CD47: variants seen among roughly 807,000 people sequenced by gnomAD.
The protein encoded by CD47 is CD47 molecule, also known as leukocyte surface antigen CD47.
Under a neutral mutation model 44.6 loss-of-function variants are expected in CD47, and 11 were observed. That is an observed-to-expected ratio of 0.25 (90% CI 0.16 to 0.41). CD47 has a LOEUF of 0.41. Ranked by LOEUF, CD47 falls within the 10% of genes least tolerant of loss-of-function variation. The pLI is 1.00. For missense variants in CD47, 306 were observed against 386.7 expected, an observed-to-expected ratio of 0.79 and a Z score of 1.75; for synonymous variants, 140 against 136.3, an observed-to-expected ratio of 1.03 and a Z score of -0.19.
chr3:108,065,811 C>CAAAAAAAAAAA (rs58021560), intron 3 of CD47, among the ~76,000 whole-genome samples: 2 of 61,166 alleles, frequency 3.3e-5, no homozygotes, highest in Non-Finnish European at 5.9e-5. Context: ...GACTCCGTCT[C>CAAAAAAAAAAA]AAAAAAAAAA....
chr3:108,067,337 C>T (rs187833978), intron 3 of CD47, among the ~76,000 whole-genome samples: 39 of 152,282 alleles, frequency 2.6e-4, no homozygotes, highest in Middle Eastern at 3.4e-3. Context: ...TATGGTCTTG[C>T]GGTTTTGTGC....
chr3:108,045,000 G>C lies in CD47; in HGVS notation c.*2288C>G, dbSNP rs1443893518. 1 of 152,620 alleles carries C rather than the reference G, an allele frequency of 6.6e-6. No homozygotes were observed. Among genetic ancestry groups the C allele is most frequent in the Non-Finnish European group, 1.5e-5 (1 of 68,034 alleles). 9.5% of individuals were successfully genotyped at this position (152,620 alleles called of 1,614,324 possible). A position where few individuals can be genotyped will look rare whatever the true frequency, so the allele number is the denominator to read the frequency against. ...GGAGCCATTACAAATCTGATTTAAA[G>C]AGAAGGAACTGGCCCAATGATGCCC... On this transcript the variant is annotated 3_prime_UTR_variant, in exon 11 of 11. Coordinates refer to ENST00000361309, the MANE Select transcript of CD47 (RefSeq NM_001777.4).
chr3:108,089,448 C>T (rs957136536), intron 1 of CD47, among the ~76,000 whole-genome samples: 19 of 152,102 alleles, frequency 1.2e-4, no homozygotes, highest in Non-Finnish European at 2.8e-4. Context: ...ATGGTTTATA[C>T]TTTTTACTTT....
chr3:108,078,636 T>A (rs966166308), intron 2 of CD47, among the ~76,000 whole-genome samples: 1 of 152,040 alleles, frequency 6.6e-6, no homozygotes, highest in African/African-American at 2.4e-5. Flanking sequence ...AAAAAGCTCC[T>A]TTGCCCAAAT....
intron 1 of CD47, among the ~76,000 whole-genome samples, chr3:108,087,744 T>C (rs1560043823): frequency 6.6e-6 from 1 of 152,212 alleles, no homozygotes; most frequent in Non-Finnish European, 1.5e-5. Flanking sequence ...AACCATGAGA[T>C]TGACCAGATT....
rs1221953450 is a variant in CD47, at chr3:108,045,300, T to C, written c.*1988A>G. 5 of 152,690 alleles carry C rather than the reference T, an allele frequency of 3.3e-5. No individual in the cohort carries two copies. Among genetic ancestry groups the C allele is most frequent in the Admixed American group, 6.5e-5 (1 of 15,286 alleles). 9.5% of individuals were successfully genotyped at this position (152,690 alleles called of 1,614,324 possible). On this transcript the variant is annotated 3_prime_UTR_variant, in exon 11 of 11. Coordinates refer to ENST00000361309, the MANE Select transcript of CD47 (RefSeq NM_001777.4). ...ATAAAGATTTTCATACCTTTTCTAA[T>C]AGGAGCTTGGATCTTTTTCAAGTCC... is the stretch of plus-strand genomic sequence containing the variant.
rs532295895 is a variant in CD47 at position 108,051,875 on chromosome 3, C to T, written c.909+64G>A. 3.3e-5 allele frequency: 40 copies of T among 1,226,832 alleles called. No individual in the cohort carries two copies. In the African/African-American group the frequency reaches 4.3e-4, roughly 13 times the overall value. 76.0% of individuals were successfully genotyped at this position (1,226,832 alleles called of 1,614,324 possible). ...AACAGATAGCAAAATATCTCAATTA[C>T]CAAGTTCCTCAGTCTAATCCCTCAA... On this transcript the variant is annotated intron_variant, in intron 8 of 10. Transcript: ENST00000361309.
Position 108,059,446 on chromosome 3 carries a change from A to G in CD47, c.691+6T>C. The G allele has an allele frequency of 7.5e-7, 1 of 1,336,812 alleles. No homozygotes were observed. The highest frequency in any genetic ancestry group is 2.7e-5 in the Admixed American group (1 of 36,996). The allele number at this position is 1,336,812 out of a possible 1,614,324, so 82.8% of individuals were successfully genotyped here. A position where few individuals can be genotyped will look rare whatever the true frequency, so the allele number is the denominator to read the frequency against. On this transcript the variant is annotated splice_donor_region_variant and intron_variant, in intron 5 of 10. Transcript: ENST00000361309. ...ACAAAATCATACTGTAACAATGAAA[A>G]CTCACCTGTACTAAACACATAGTAG...
At chr3:108,052,811 T>C (rs2078850907) in intron 7 of CD47, 1 of 152,024 alleles carries the variant, frequency 6.6e-6, no homozygotes, top group Non-Finnish European at 1.5e-5. Context: ...AAAAATTAGC[T>C]GGCGTGGTGG....
At chr3:108,085,678 C>T (rs2079506575) in intron 1 of CD47, among the ~76,000 whole-genome samples, 1 of 152,112 alleles carries the variant, frequency 6.6e-6, no homozygotes, top group African/African-American at 2.4e-5. Context: ...CTGATCTCTC[C>T]AGGCTCAGAA....
rs933598376 is a variant in CD47, at chr3:108,047,005, T to C, written c.*283A>G. 1.1e-5 allele frequency: 4 copies of C among 352,702 alleles called. No individual in the cohort carries two copies. Among genetic ancestry groups the C allele is most frequent in the East Asian group, 9.0e-5 (2 of 22,114 alleles). The allele number at this position is 352,702 out of a possible 1,614,324, so 21.8% of individuals were successfully genotyped here. ...ACCTGAAAGGCATCATTCTTGGAAATTGTCCATTCTACTATTGCCCCTAAT... is the reference window on the plus strand; with the variant it reads ...ACCTGAAAGGCATCATTCTTGGAAACTGTCCATTCTACTATTGCCCCTAAT... On this transcript the variant is annotated 3_prime_UTR_variant, in exon 11 of 11. Coordinates refer to ENST00000361309, the MANE Select transcript of CD47 (RefSeq NM_001777.4).
chr3:108,045,523 G>T lies in CD47; in HGVS notation c.*1765C>A, dbSNP rs978450986. 2 of 151,976 alleles carry T rather than the reference G, an allele frequency of 1.3e-5. No individual in the cohort carries two copies. Among genetic ancestry groups the T allele is most frequent in the African/African-American group, 2.4e-5 (1 of 41,220 alleles). 9.4% of individuals were successfully genotyped at this position (151,976 alleles called of 1,614,324 possible). On this transcript the variant is annotated 3_prime_UTR_variant, in exon 11 of 11. Transcript: ENST00000361309. ...AATATACATGTGTGTATATACATAC[G>T]TATATATAGATATACGTATATATTT...
intron 8 of CD47, among the ~76,000 whole-genome samples, chr3:108,051,230 G>A (rs965761701): frequency 1.1e-4 from 16 of 152,044 alleles, no homozygotes; most frequent in Admixed American, 5.9e-4. Context: ...TCATCACTCC[G>A]TTATAGGAAG....
At chr3:108,048,533 C>T (rs917672758) in intron 10 of CD47, among the ~76,000 whole-genome samples, 1 of 151,870 alleles carries the variant, frequency 6.6e-6, no homozygotes, top group Non-Finnish European at 1.5e-5. Flanking sequence ...CACAGGTGCC[C>T]GCCACCATGC....
intron 2 of CD47, among the ~76,000 whole-genome samples, chr3:108,077,698 G>A (rs1458136840): frequency 6.6e-6 from 1 of 151,732 alleles, no homozygotes; most frequent in Non-Finnish European, 1.5e-5. Flanking sequence ...TCATACTATG[G>A]ACTACTACTC....
chr3:108,048,083 A>G (rs1222222263), intron 10 of CD47, among the ~76,000 whole-genome samples: 1 of 152,184 alleles, frequency 6.6e-6, no homozygotes, highest in Non-Finnish European at 1.5e-5. Context: ...ATAGGACATC[A>G]GAATGTAAAC....
intron 2 of CD47, 132 bp downstream of exon 2, chr3:108,079,859 T>C: frequency 1.7e-6 from 1 of 603,208 alleles, no homozygotes; most frequent in Non-Finnish European, 3.0e-6. Flanking sequence ...TTGCTAAACA[T>C]TACATCAACA....
intron 10 of CD47, 35 bp downstream of exon 10, chr3:108,049,584 C>T: frequency 1.5e-6 from 2 of 1,338,304 alleles, no homozygotes; most frequent in South Asian, 2.4e-5. Context: ...CATGTTTTAA[C>T]TGATCTATAA....
chr3:108,080,017 G>A lies in CD47; in HGVS notation c.374C>T (p.Thr125Met), dbSNP rs769647911. 3.1e-6 allele frequency: 5 copies of A among 1,609,064 alleles called. No individual in the cohort carries two copies. The highest frequency in any genetic ancestry group is 2.5e-6 in the Non-Finnish European group (3 of 1,176,934). Residue 125 changes from threonine (T) to methionine (M), a missense_variant, in exon 2 of 11, where the codon ACG becomes ATG. Around this residue, in one of 5 missense-constraint regions of CD47, gnomAD observed 65 missense variants for 119.9 expected, o/e 0.54. Coordinates refer to ENST00000361309, the MANE Select transcript of CD47 (RefSeq NM_001777.4). ...EVTELTREGE[T>M]IIELKYRVVS... ...AACACGATATTTTAGCTCGATGATC[G>A]TTTCACCTTCTCTGGTTAATTCTGT...
Sources: allele counts gnomAD v4.1 joint callset (sites outside exome capture counted in the v4.1 genomes callset), GRCh38; gene constraint gnomAD v4.1.1; regional missense constraint gnomAD v4.1.1; transcripts MANE v1.5; gene names NCBI Gene and HGNC (gene_info 2026-07-23, HGNC 2026-07-21).